GRIK4: variants seen among roughly 807,000 people sequenced by gnomAD.
GRIK4 encodes glutamate ionotropic receptor kainate type subunit 4.
In GRIK4, 40 loss-of-function variants were observed where a neutral mutation model predicts 104.9. That is an observed-to-expected ratio of 0.38 (90% CI 0.30 to 0.50). GRIK4 has a LOEUF of 0.50. Among genes scored for constraint, GRIK4 ranks in the 20% least tolerant of loss-of-function variants. The pLI, the probability that GRIK4 is intolerant of heterozygous loss-of-function variation, is 0.93. For missense variants in GRIK4, 1,047 were observed against 1,308.1 expected, an observed-to-expected ratio of 0.80 and a Z score of 3.08; for synonymous variants, 485 against 524.9, an observed-to-expected ratio of 0.92 and a Z score of 1.04.
In GRIK4 at chr11:120,902,166, G is replaced by A. The variant is rs1020042372; in HGVS notation, c.1273-3124G>A. 6.6e-6 allele frequency among the ~76,000 whole-genome samples: 1 copy of A among 152,126 alleles called. No individual in the cohort carries two copies. The highest frequency in any genetic ancestry group is 6.5e-5 in the Admixed American group (1 of 15,282). On this transcript the variant is annotated intron_variant, in intron 12 of 20. Coordinates refer to ENST00000527524, the MANE Select transcript of GRIK4 (RefSeq NM_014619.5). The surrounding 1 kb of genome is among the most constrained non-coding windows in gnomAD (Gnocchi z 4.5). The stretch of plus-strand genomic sequence containing the variant: ...CTCTGGTCAGGGCACACTTGGGGAC[G>A]TGTGGATGGTTTATTGGTTAATGCC...
intron 3 of GRIK4, among the ~76,000 whole-genome samples, chr11:120,731,751 TA>T (rs1951136025): frequency 6.6e-6 from 1 of 152,208 alleles, no homozygotes; most frequent in Non-Finnish European, 1.5e-5. Flanking sequence ...GTTATTGGTC[TA>T]TTCAGGTTTT....
intron 1 of GRIK4, among the ~76,000 whole-genome samples, chr11:120,564,982 G>GT (rs1250517105): frequency 7.7e-6 from 1 of 129,712 alleles, no homozygotes; most frequent in Non-Finnish European, 1.7e-5. Flanking sequence ...GCTGCGGGGG[G>GT]GTGGGGGGGG....
chr11:120,926,070 C>A (rs1363158935), intron 13 of GRIK4, among the ~76,000 whole-genome samples: 4 of 152,006 alleles, frequency 2.6e-5, no homozygotes, highest in Admixed American at 6.6e-5. Context: ...TTTCTTGATT[C>A]GACATGTAAA....
chr11:120,949,916 T>C (rs1943958005), intron 14 of GRIK4, among the ~76,000 whole-genome samples: 1 of 152,146 alleles, frequency 6.6e-6, no homozygotes, highest in Non-Finnish European at 1.5e-5. Flanking sequence ...TTTTTAGTTC[T>C]TCAAAAGAAA....
At chr11:120,855,123 G>C (rs1268813993) in intron 8 of GRIK4, among the ~76,000 whole-genome samples, 1 of 152,170 alleles carries the variant, frequency 6.6e-6, no homozygotes, top group Non-Finnish European at 1.5e-5. Context: ...AGCATTTGAG[G>C]CTCAAATAAT....
chr11:120,789,156 G>A (rs1254133088), intron 3 of GRIK4, among the ~76,000 whole-genome samples: 1 of 152,000 alleles, frequency 6.6e-6, no homozygotes, highest in Non-Finnish European at 1.5e-5. Context: ...GGGACTCCCG[G>A]GTCTCCGTGT....
intron 3 of GRIK4, among the ~76,000 whole-genome samples, chr11:120,785,830 G>A (rs886768192): frequency 3.9e-5 from 6 of 152,134 alleles, no homozygotes; most frequent in African/African-American, 1.4e-4. Flanking sequence ...CCTCCTGGTG[G>A]CTCTGTGCTC....
At chr11:120,883,906 G>A (rs1326870391) in intron 11 of GRIK4, among the ~76,000 whole-genome samples, 3 of 152,314 alleles carry the variant, frequency 2.0e-5, no homozygotes, top group Non-Finnish European at 4.4e-5. Flanking sequence ...TGGAAGAGGC[G>A]GACCTGCTAA....
At chr11:120,787,103 A>G (rs1952294540) in intron 3 of GRIK4, among the ~76,000 whole-genome samples, 1 of 152,064 alleles carries the variant, frequency 6.6e-6, no homozygotes, top group Non-Finnish European at 1.5e-5. Context: ...GGATTGCTTG[A>G]GGCCAGGAGT....
chr11:120,884,937 CAGA>C (rs1314131366), intron 11 of GRIK4, among the ~76,000 whole-genome samples: 2 of 152,256 alleles, frequency 1.3e-5, no homozygotes, highest in Non-Finnish European at 2.9e-5. Context: ...TCCTGAGTTC[CAGA>C]AGGACGGCAA....
At chr11:120,832,896 G>A (rs1056645619) in intron 7 of GRIK4, among the ~76,000 whole-genome samples, 7 of 152,194 alleles carry the variant, frequency 4.6e-5, no homozygotes, top group East Asian at 1.9e-4. Context: ...CGGAGAGAAC[G>A]GGCCCCGTTT....
At chr11:120,975,387 CAG>C (rs938182503) in intron 19 of GRIK4, among the ~76,000 whole-genome samples, 1 of 152,132 alleles carries the variant, frequency 6.6e-6, no homozygotes, top group African/African-American at 2.4e-5. Flanking sequence ...GATAGTGTTT[CAG>C]AGAGATGCTG....
chr11:120,963,621 C>T (rs111589674), intron 18 of GRIK4, among the ~76,000 whole-genome samples: 106 of 152,256 alleles, frequency 7.0e-4, no homozygotes, highest in African/African-American at 2.3e-3. Context: ...AATTGGTATA[C>T]GGTATGCTCA....
intron 15 of GRIK4, among the ~76,000 whole-genome samples, chr11:120,954,814 CACACACACACACACACAA>C (rs758049153): frequency 0.023 from 1,928 of 82,102 alleles, 25 homozygotes; most frequent in Admixed American, 0.067. Flanking sequence ...CACACACACA[CACACACACACACACACAA>C]ACAATACTGG....
chr11:120,896,626 A>C (rs1942589448), intron 11 of GRIK4, among the ~76,000 whole-genome samples: 1 of 152,190 alleles, frequency 6.6e-6, no homozygotes, highest in Admixed American at 6.5e-5. Context: ...CCTGCCATCC[A>C]CACTCTCCAC....
chr11:120,719,157 T>C (rs1950888653), intron 3 of GRIK4, among the ~76,000 whole-genome samples: 1 of 152,194 alleles, frequency 6.6e-6, no homozygotes, highest in East Asian at 1.9e-4. Context: ...AAATCAGAGA[T>C]CTCACATTCT....
chr11:120,861,509 T>C (rs998056295), intron 8 of GRIK4, among the ~76,000 whole-genome samples: 1 of 152,178 alleles, frequency 6.6e-6, no homozygotes, highest in African/African-American at 2.4e-5. Context: ...GGCAGTTCAC[T>C]GAAAGGGCCA....
At chr11:120,615,559 TCTC>T (rs1949100895) in intron 1 of GRIK4, among the ~76,000 whole-genome samples, 1 of 152,156 alleles carries the variant, frequency 6.6e-6, no homozygotes, top group African/African-American at 2.4e-5. Context: ...CTGGCTCTCT[TCTC>T]TATTCCAGGA....
At chr11:120,515,079 C>T (rs539681837) in intron 1 of GRIK4, 4 of 455,804 alleles carry the variant, frequency 8.8e-6, no homozygotes, top group African/African-American at 8.0e-5. Context: ...TGCACGCTGA[C>T]CCCAACTTTA....
Sources: gnomAD v4.1 joint callset for allele counts (sites outside exome capture counted in the v4.1 genomes callset) on GRCh38, gnomAD v4.1.1 for gene constraint, Gnocchi (gnomAD v3.1) non-coding constraint, MANE v1.5 for transcripts, NCBI Gene and HGNC (gene_info 2026-07-23, HGNC 2026-07-21) for gene names.